AGO2: variants seen among roughly 807,000 people sequenced by gnomAD.
AGO2 encodes the protein argonaute RISC catalytic component 2.
AGO2 carries 5 observed loss-of-function variants against 102.3 expected under a neutral mutation model. That is an observed-to-expected ratio of 0.05 (90% CI 0.03 to 0.10). The LOEUF is 0.10. AGO2 is among the 10% of genes least tolerant of loss of function. The probability of loss-of-function intolerance (pLI) is 1.00; values close to 1 mark genes in which losing one functional copy is unlikely to be tolerated. For missense variants in AGO2, 541 were observed against 1,183.7 expected, an observed-to-expected ratio of 0.46 and a Z score of 7.97; for synonymous variants, 449 against 473.1, an observed-to-expected ratio of 0.95 and a Z score of 0.66.
At chr8:140,629,713 T>C (rs2152110962) in intron 1 of AGO2, among the ~76,000 whole-genome samples, 1 of 151,360 alleles carries the variant, frequency 6.6e-6, no homozygotes, top group South Asian at 2.1e-4. Context: ...ACAGCTGCAG[T>C]CTACCTGGGA....
rs1369148702 is a variant in AGO2 at position 140,540,189 on chromosome 8, G to A, written c.2035-735C>T. 1.3e-5 allele frequency among the ~76,000 whole-genome samples: 2 copies of A among 152,212 alleles called. No individual in the cohort carries two copies. The highest frequency in any genetic ancestry group is 2.4e-5 in the African/African-American group (1 of 41,448). ...TGGCCGGTCAAGGTGTATCCATTCTGTCCTCCCAGGAGGCCATGGGTCTCG... is the reference window on the plus strand; with the variant it reads ...TGGCCGGTCAAGGTGTATCCATTCTATCCTCCCAGGAGGCCATGGGTCTCG... On this transcript the variant is annotated intron_variant, in intron 15 of 18. Transcript: ENST00000220592. The surrounding 1 kb of genome is among the most constrained non-coding windows in gnomAD (Gnocchi z 5.0).
At chr8:140,544,164 G>T (rs150369391) in intron 14 of AGO2, 49 bp downstream of exon 14, 2 of 1,528,244 alleles carry the variant, frequency 1.3e-6, no homozygotes, top group East Asian at 5.1e-5. Context: ...CTTCGACAGC[G>T]TCCTGCATGT....
intron 3 of AGO2, 82 bp downstream of exon 3, chr8:140,572,730 A>G: frequency 6.5e-7 from 1 of 1,535,352 alleles, no homozygotes; most frequent in Non-Finnish European, 8.8e-7. Context: ...CGTGTATGAG[A>G]ACAGGCATGA....
intron 2 of AGO2, among the ~76,000 whole-genome samples, chr8:140,580,725 G>C (rs778625512): frequency 7.9e-5 from 12 of 152,324 alleles, no homozygotes; most frequent in South Asian, 2.1e-4. Context: ...CTCCCACACA[G>C]GTCTTGTGAG....
chr8:140,560,792 C>T (rs188312986), intron 4 of AGO2, among the ~76,000 whole-genome samples: 2 of 152,344 alleles, frequency 1.3e-5, no homozygotes, highest in South Asian at 2.1e-4. Context: ...CAGGACCTGG[C>T]GTGTTTCTGG....
chr8:140,581,758 T>C (rs989884382), intron 2 of AGO2, among the ~76,000 whole-genome samples: 16 of 152,350 alleles, frequency 1.1e-4, no homozygotes, highest in African/African-American at 3.6e-4. Flanking sequence ...TACATGGTTT[T>C]AGTAAGTGCA....
chr8:140,563,709 G>A (rs925680314), intron 3 of AGO2, among the ~76,000 whole-genome samples: 3 of 152,218 alleles, frequency 2.0e-5, no homozygotes, highest in African/African-American at 7.2e-5. Flanking sequence ...CCTGCCCAGG[G>A]CCTGCTGCCT....
At chr8:140,545,405 T>G (rs1314382636) in intron 13 of AGO2, among the ~76,000 whole-genome samples, 1 of 152,142 alleles carries the variant, frequency 6.6e-6, no homozygotes, top group African/African-American at 2.4e-5. Flanking sequence ...CCGGCCTCCC[T>G]GCCCCAGCCT....
chr8:140,618,941 T>C (rs1396172320), intron 1 of AGO2, among the ~76,000 whole-genome samples: 1 of 151,882 alleles, frequency 6.6e-6, no homozygotes. Flanking sequence ...TTTATCATGA[T>C]GGAAAGAACA....
chr8:140,587,752 C>A (rs2073680847), intron 1 of AGO2, among the ~76,000 whole-genome samples: 1 of 152,242 alleles, frequency 6.6e-6, no homozygotes, highest in African/African-American at 2.4e-5. Context: ...GCACTTGTCA[C>A]ATTTGACACG....
At chr8:140,610,614 C>A (rs7832054) in intron 1 of AGO2, among the ~76,000 whole-genome samples, 11,849 of 152,304 alleles carry the variant, frequency 0.078, 569 homozygotes, top group Non-Finnish European at 0.11. Flanking sequence ...TGAAAGCGGC[C>A]TATTTTCACC....
At chr8:140,546,383 A>G (rs187796804) in intron 13 of AGO2, among the ~76,000 whole-genome samples, 45 of 152,310 alleles carry the variant, frequency 3.0e-4, no homozygotes, top group Admixed American at 2.5e-3. Context: ...CCTGGCCCCA[A>G]TCAGTCCTGC....
At position 140,612,220 on chromosome 8, in the gene AGO2, C is replaced by CA. The variant is rs542472147; in HGVS notation, c.22+23264dup. Among the ~76,000 whole-genome samples the CA allele has an allele frequency of 6.3e-4, 60 of 95,958 alleles. 6 individuals are homozygous for CA. Among genetic ancestry groups the CA allele is most frequent in the Non-Finnish European group, 9.2e-4 (46 of 49,960 alleles). 63.0% of individuals were successfully genotyped at this position (95,958 alleles called of 152,430 possible). A position where few individuals can be genotyped will look rare whatever the true frequency, so the allele number is the denominator to read the frequency against. ...CCTGGCCAAGAGCGAGACTCTGTCT[C>CA]AAAAAAAAAAAAAAAAAAAAAAAAA... On this transcript the variant is annotated intron_variant, in intron 1 of 18. Transcript: ENST00000220592.
intron 5 of AGO2, among the ~76,000 whole-genome samples, chr8:140,559,754 A>T (rs955201030): frequency 6.6e-6 from 1 of 152,174 alleles, no homozygotes; most frequent in Non-Finnish European, 1.5e-5. Context: ...GACAGAAAGG[A>T]GCTGGCTGAT....
At chr8:140,595,950 A>ATATAAAT (rs2073834527) in intron 1 of AGO2, among the ~76,000 whole-genome samples, 1 of 6,756 alleles carries the variant, frequency 1.5e-4, no homozygotes, top group Non-Finnish European at 5.8e-4. Flanking sequence ...TATATATTTT[A>ATATAAAT]TATATAATAT....
chr8:140,611,409 C>T (rs1683359422), intron 1 of AGO2, among the ~76,000 whole-genome samples: 1 of 151,860 alleles, frequency 6.6e-6, no homozygotes, highest in Admixed American at 6.6e-5. Context: ...TTCACTGCAA[C>T]CTCTGCCTCC....
At chr8:140,619,098 T>C (rs2074180995) in intron 1 of AGO2, among the ~76,000 whole-genome samples, 1 of 150,856 alleles carries the variant, frequency 6.6e-6, no homozygotes, top group African/African-American at 2.4e-5. Context: ...CGCGGCCTTA[T>C]CTCTGTGATG....
Position 140,549,132 on chromosome 8 carries a change from C to T in AGO2, c.1570G>A (p.Gly524Ser). 1.2e-6 allele frequency: 2 copies of T among 1,610,104 alleles called. No individual in the cohort carries two copies. The highest frequency in any genetic ancestry group is 1.1e-5 in the South Asian group (1 of 90,930). ...CACCTACCGTACACGGGCGTCTTGCCGGGCAGGATGACCACCACCAGCTGC... is the reference window on the plus strand; with the variant it reads ...CACCTACCGTACACGGGCGTCTTGCTGGGCAGGATGACCACCACCAGCTGC... ...GLQLVVVILP[G>S]KTPVYAEVKR... The change falls in exon 12 of 19, where the codon GGC becomes AGC. Residue 524 changes from glycine (G) to serine (S), a missense_variant. Transcript: ENST00000220592.
chr8:140,558,008 G>T (rs1009877064), intron 7 of AGO2, among the ~76,000 whole-genome samples: 3 of 152,168 alleles, frequency 2.0e-5, no homozygotes, highest in African/African-American at 7.2e-5. Context: ...GGGCACAGGG[G>T]CCAAATCTAT....
Sources: gnomAD v4.1 joint callset for allele counts (sites outside exome capture counted in the v4.1 genomes callset) on GRCh38, gnomAD v4.1.1 for gene constraint, Gnocchi (gnomAD v3.1) non-coding constraint, MANE v1.5 for transcripts, NCBI Gene and HGNC (gene_info 2026-07-23, HGNC 2026-07-21) for gene names.